The following ACP1 variants were observed in gnomAD, a reference collection of about 807,000 sequenced individuals.
ACP1 encodes the protein low molecular weight phosphotyrosine protein phosphatase.
In ACP1, 23 loss-of-function variants were observed where a neutral mutation model predicts 23.4. The observed-to-expected ratio is 0.98, with a 90% CI of 0.71 to 1.39. The LOEUF (loss-of-function observed/expected upper bound fraction) is 1.39. Among genes scored for constraint, ACP1 ranks in the 40% most tolerant of loss-of-function variants. ACP1 has a pLI of 0.00. For missense variants in ACP1, 180 were observed against 197.7 expected (o/e 0.91, Z 0.54); for synonymous variants, 72 against 67.2 (o/e 1.07, Z -0.35).
rs1391476062 is a variant in ACP1 at position 276,382 on chromosome 2, C to T, written c.294-598C>T. ...GGCTGTTCCGTTCCCACATAAAGCA[C>T]GTACCTGACTCATCAACTCATCTGT... On this transcript the variant is annotated intron_variant, in intron 4 of 5. Coordinates refer to ENST00000272065, the MANE Select transcript of ACP1 (RefSeq NM_004300.4). 3.3e-5 allele frequency among the ~76,000 whole-genome samples: 5 copies of T among 152,202 alleles called. 1 individual carries two copies. The highest frequency in any genetic ancestry group is 6.5e-5 in the Admixed American group (1 of 15,286).
At chr2:265,860 T>C (rs1669858270) in intron 1 of ACP1, among the ~76,000 whole-genome samples, 1 of 152,234 alleles carries the variant, frequency 6.6e-6, no homozygotes, top group Non-Finnish European at 1.5e-5. Context: ...GACACTGCCT[T>C]CCAGAACCTT....
intron 1 of ACP1, among the ~76,000 whole-genome samples, chr2:270,729 C>T (rs1670005513): frequency 6.6e-6 from 1 of 152,102 alleles, no homozygotes; most frequent in Non-Finnish European, 1.5e-5. Flanking sequence ...CCTGGGTTGG[C>T]AGTGCTCTTT....
At chr2:266,741 T>G (rs1198251492) in intron 1 of ACP1, among the ~76,000 whole-genome samples, 2 of 152,238 alleles carry the variant, frequency 1.3e-5, no homozygotes, top group Admixed American at 1.3e-4. Flanking sequence ...TGTTTACATT[T>G]TCATGGATAG....
intron 3 of ACP1, chr2:272,424 T>C (rs1558263567): frequency 6.8e-7 from 1 of 1,465,482 alleles, no homozygotes; most frequent in Non-Finnish European, 9.0e-7. Flanking sequence ...CTTAACCAGC[T>C]ATGGTGTGTC....
intron 3 of ACP1, among the ~76,000 whole-genome samples, chr2:273,449 G>A (rs1670096721): frequency 6.6e-6 from 1 of 152,180 alleles, no homozygotes; most frequent in African/African-American, 2.4e-5. Flanking sequence ...TGCAGATTGG[G>A]GCCTGCACCT....
In ACP1 at chr2:277,003, A is replaced by G. The variant is rs79716074; in HGVS notation, c.317A>G (p.Gln106Arg). 527,078 of 1,598,632 alleles carry G rather than the reference A, an allele frequency of 0.33. 89,383 individuals are homozygous for G. The highest frequency in any genetic ancestry group is 0.35 in the Non-Finnish European group (406,587 of 1,170,114). Reference sequence around the variant, plus strand: ...AGAGATTTGAATAGAAAAAGTAATCAAGTTAAAACCTGCAAAGCTAAAATT... The same window carrying G: ...AGAGATTTGAATAGAAAAAGTAATCGAGTTAAAACCTGCAAAGCTAAAATT... Reference protein sequence around the residue: ...NLRDLNRKSNQVKTCKAKIEL... With the variant: ...NLRDLNRKSNRVKTCKAKIEL... Residue 106 changes from glutamine to arginine, a missense_variant, in exon 5 of 6, where the codon CAA (glutamine) becomes CGA (arginine). Physicochemically the swap from Gln to Arg is conservative, Grantham distance 43. Coordinates refer to ENST00000272065, the MANE Select transcript of ACP1 (RefSeq NM_004300.4).
rs112056624 is a variant in ACP1 at position 272,117 on chromosome 2, G to A, written c.198G>A (p.Arg66=). 6.2e-7 allele frequency: 1 copy of A among 1,614,212 alleles called. No homozygotes were observed. The change falls in exon 3 of 6, where the codon AGG becomes AGA. Residue 66 remains arginine, a synonymous_variant. Transcript: ENST00000272065. ...ACCGAGGGCAGAGCTGCATGAAGAG[G>A]CACGGCATTCCCATGAGCCACGTTG... is the stretch of plus-strand genomic sequence containing the variant. ...PDYRGQSCMK[R]HGIPMSHVAR...
chr2:271,961 A>T (rs766295969), intron 2 of ACP1, 22 bp downstream of exon 2: 33 of 1,610,924 alleles, frequency 2.0e-5, no homozygotes, highest in Non-Finnish European at 2.8e-5. Flanking sequence ...TCATTATCTT[A>T]AAGAGGCCAA....
chr2:265,232 A>G lies in ACP1; in HGVS notation c.43+225A>G, dbSNP rs540440169. The G allele has an allele frequency of 1.0e-3, 513 of 504,028 alleles. 3 individuals carry two copies. The highest frequency in any genetic ancestry group is 7.5e-4 in the Non-Finnish European group (214 of 286,920). The allele number at this position is 504,028 out of a possible 1,614,324, so 31.2% of individuals were successfully genotyped here. A position where few individuals can be genotyped will look rare whatever the true frequency, so the allele number is the denominator to read the frequency against. On this transcript the variant is annotated intron_variant, in intron 1 of 5. Coordinates refer to ENST00000272065, the MANE Select transcript of ACP1 (RefSeq NM_004300.4). Reference sequence around the variant, plus strand: ...ACCTGGGTCCCCTCGCGCCTGCCATATATCCGGGGCTCTTGGCATCTGCAG... The same window carrying G: ...ACCTGGGTCCCCTCGCGCCTGCCATGTATCCGGGGCTCTTGGCATCTGCAG...
intron 3 of ACP1, chr2:272,560 G>A (rs1670075881): frequency 8.9e-7 from 1 of 1,128,110 alleles, no homozygotes; most frequent in South Asian, 1.8e-5. Context: ...CTGGGGCTGA[G>A]CGGTGCTCTG....
At chr2:267,020 C>G (rs1161418879) in intron 1 of ACP1, among the ~76,000 whole-genome samples, 1 of 152,132 alleles carries the variant, frequency 6.6e-6, no homozygotes, top group Non-Finnish European at 1.5e-5. Flanking sequence ...ATATGCTGGA[C>G]AAAGACGTGT....
In ACP1 at chr2:278,204, G is replaced by A. The variant is rs1670229482; in HGVS notation, c.*900G>A. Reference sequence around the variant, plus strand: ...TATAGGCAGATGTAAGGTAATTTCTGTGTATTTTGAGATAATGTCAAAATC... The same window carrying A: ...TATAGGCAGATGTAAGGTAATTTCTATGTATTTTGAGATAATGTCAAAATC... On this transcript the variant is annotated 3_prime_UTR_variant, in exon 6 of 6. Transcript: ENST00000272065. The A allele has an allele frequency of 1.3e-5, 2 of 152,152 alleles. No homozygotes were observed. The highest frequency in any genetic ancestry group is 6.5e-5 in the Admixed American group (1 of 15,280). 9.4% of individuals were successfully genotyped at this position (152,152 alleles called of 1,614,324 possible).
At chr2:272,529 A>G (rs904503246) in intron 3 of ACP1, 61 of 1,373,162 alleles carry the variant, frequency 4.4e-5, no homozygotes, top group Non-Finnish European at 5.5e-5. Flanking sequence ...GTAATTTATA[A>G]TGAGAGAGCC....
At chr2:271,275 C>T (rs544679292) in intron 1 of ACP1, among the ~76,000 whole-genome samples, 4 of 152,194 alleles carry the variant, frequency 2.6e-5, no homozygotes, top group South Asian at 2.1e-4. Context: ...AGGATTTATT[C>T]GAGGAATTTT....
chr2:275,104 A>G (rs757445722), intron 3 of ACP1, 36 bp from the exon 4 acceptor site: 6 of 1,241,310 alleles, frequency 4.8e-6, no homozygotes, highest in South Asian at 4.3e-5. Context: ...CTTGAATGGT[A>G]TAAACACTGT....
intron 5 of ACP1, 42 bp from the exon 6 acceptor site, chr2:277,185 T>C (rs778800773): frequency 8.1e-6 from 13 of 1,607,140 alleles, no homozygotes; most frequent in Non-Finnish European, 6.8e-6. Context: ...ATGTTTTTGT[T>C]ATGCAGGTTT....
chr2:268,543 A>C (rs1669949204), intron 1 of ACP1, among the ~76,000 whole-genome samples: 1 of 152,204 alleles, frequency 6.6e-6, no homozygotes, highest in Admixed American at 6.5e-5. Flanking sequence ...TGGTGGAGTC[A>C]CTTTACTTCT....
chr2:267,686 C>A (rs1182386142), intron 1 of ACP1, among the ~76,000 whole-genome samples: 4 of 152,198 alleles, frequency 2.6e-5, no homozygotes, highest in African/African-American at 9.7e-5. Context: ...AATTTGAGCG[C>A]CTGTTTTCTC....
chr2:270,037 G>C (rs1237376860), intron 1 of ACP1, among the ~76,000 whole-genome samples: 1 of 152,164 alleles, frequency 6.6e-6, no homozygotes, highest in Non-Finnish European at 1.5e-5. Context: ...TTTCCACTCT[G>C]ACACTGTCTT....
Sources: gnomAD v4.1 joint callset for allele counts (sites outside exome capture counted in the v4.1 genomes callset) on GRCh38, gnomAD v4.1.1 for gene constraint, MANE v1.5 for transcripts, NCBI Gene and HGNC (gene_info 2026-07-23, HGNC 2026-07-21) for gene names.